Variants in NRG1 observed in about 807,000 individuals in gnomAD.
NRG1 encodes pro-neuregulin-1, membrane-bound isoform.
NRG1 carries 18 observed loss-of-function variants against 63.8 expected under a neutral mutation model. That is an observed-to-expected ratio of 0.28 (90% CI 0.19 to 0.42). The LOEUF is 0.42. Among genes scored for constraint, NRG1 ranks in the 10% least tolerant of loss-of-function variants. The pLI is 1.00. For missense variants in NRG1, 762 were observed against 814.7 expected (o/e 0.94, Z 0.79); for synonymous variants, 302 against 301.3 (o/e 1.00, Z -0.02).
chr8:32,756,551 GA>G, intron 9 of NRG1, 22 bp downstream of exon 9: 1 of 1,593,166 alleles, frequency 6.3e-7, no homozygotes, highest in South Asian at 1.1e-5. Flanking sequence ...CTGGCCAGTG[GA>G]AAAAACTGAG....
chr8:32,065,096 C>T (rs1406549548), intron 1 of NRG1, among the ~76,000 whole-genome samples: 2 of 151,828 alleles, frequency 1.3e-5, no homozygotes, highest in African/African-American at 2.4e-5. Flanking sequence ...CATAATCATT[C>T]CCAGGCTGCT....
At chr8:32,566,012 A>G (rs908910952) in intron 1 of NRG1, among the ~76,000 whole-genome samples, 2 of 152,114 alleles carry the variant, frequency 1.3e-5, no homozygotes, top group Non-Finnish European at 2.9e-5. Context: ...GGCATGTAGA[A>G]ACCTGTCGGT....
intron 1 of NRG1, among the ~76,000 whole-genome samples, chr8:32,509,598 G>A (rs1400316718): frequency 6.6e-6 from 1 of 152,154 alleles, no homozygotes; most frequent in African/African-American, 2.4e-5. Flanking sequence ...AGAGTCAAAG[G>A]TGACACTCAC....
At chr8:32,679,878 G>A (rs35006487) in intron 5 of NRG1, among the ~76,000 whole-genome samples, 2 of 152,034 alleles carry the variant, frequency 1.3e-5, no homozygotes, top group East Asian at 1.9e-4. Flanking sequence ...TTATCCCTGC[G>A]AGCTAATGTG....
At chr8:32,437,708 A>C (rs1818965338) in intron 1 of NRG1, among the ~76,000 whole-genome samples, 1 of 152,202 alleles carries the variant, frequency 6.6e-6, no homozygotes, top group South Asian at 2.1e-4. Flanking sequence ...AAAATTCAGA[A>C]TTTTAATTAC....
intron 1 of NRG1, among the ~76,000 whole-genome samples, chr8:32,252,197 T>G (rs374700257): frequency 6.6e-6 from 1 of 152,338 alleles, no homozygotes; most frequent in Admixed American, 6.5e-5. Context: ...CTCTTTAGTT[T>G]AATTAGATCC....
At chr8:32,628,819 G>A (rs1284013054) in intron 5 of NRG1, among the ~76,000 whole-genome samples, 2 of 148,516 alleles carry the variant, frequency 1.3e-5, no homozygotes, top group East Asian at 2.0e-4. Flanking sequence ...TGCAACCTCT[G>A]CCTACCCGGT....
At chr8:32,224,979 G>T (rs1264013448) in intron 1 of NRG1, among the ~76,000 whole-genome samples, 1 of 152,142 alleles carries the variant, frequency 6.6e-6, no homozygotes, top group Non-Finnish European at 1.5e-5. Flanking sequence ...GATGAAACAG[G>T]TGTTATATTT....
intron 7 of NRG1, among the ~76,000 whole-genome samples, chr8:32,753,138 C>G (rs1829043529): frequency 6.6e-6 from 1 of 152,102 alleles, no homozygotes; most frequent in Admixed American, 6.6e-5. Context: ...ACAGTATTCC[C>G]CAGTTCTTGA....
chr8:32,286,868 G>C (rs1853588028), intron 1 of NRG1, among the ~76,000 whole-genome samples: 1 of 152,076 alleles, frequency 6.6e-6, no homozygotes, highest in Admixed American at 6.6e-5. Context: ...ATGGTGGCGG[G>C]CACCTGTAAT....
exon 10 of NRG1, chr8:32,759,426 C>T: frequency 2.5e-6 from 4 of 1,613,212 alleles, no homozygotes; most frequent in South Asian, 1.1e-5. Flanking sequence ...CACCCAGACT[C>T]CTAGCCACAG....
At chr8:31,967,337 C>A (rs2129627772) in intron 1 of NRG1, among the ~76,000 whole-genome samples, 1 of 152,040 alleles carries the variant, frequency 6.6e-6, no homozygotes, top group Middle Eastern at 3.4e-3. Context: ...TTTATTCTTT[C>A]TTGGAGGCAT....
chr8:32,392,238 C>G (rs1563400964), intron 1 of NRG1, among the ~76,000 whole-genome samples: 1 of 152,176 alleles, frequency 6.6e-6, no homozygotes, highest in East Asian at 1.9e-4. Flanking sequence ...GTAAACCTGT[C>G]TTCTGACAGC....
chr8:32,032,129 T>G lies in NRG1; in HGVS notation c.37+392698T>G, dbSNP rs183740419. Among the ~76,000 whole-genome samples the G allele has an allele frequency of 7.9e-5, 12 of 152,364 alleles. No homozygotes were observed. In the East Asian group the frequency reaches 2.3e-3, roughly 29 times the overall value. ...CCAGCACCTGTCATTTCTTGACTTT[T>G]TAATAATCTCCATTCTAATTGGCAT... On this transcript the variant is annotated intron_variant, in intron 1 of 10. Coordinates refer to the NRG1 transcript ENST00000519301.
At chr8:31,909,345 C>T (rs1563553344) in intron 1 of NRG1, among the ~76,000 whole-genome samples, 1 of 152,136 alleles carries the variant, frequency 6.6e-6, no homozygotes, top group African/African-American at 2.4e-5. Flanking sequence ...AGACACTGAG[C>T]ATCAGGGACA....
At chr8:32,064,919 G>A (rs945602870) in intron 1 of NRG1, among the ~76,000 whole-genome samples, 1 of 152,138 alleles carries the variant, frequency 6.6e-6, no homozygotes, top group African/African-American at 2.4e-5. Context: ...AACTCAAAAT[G>A]CTATAGAAAA....
chr8:31,991,286 A>ACTT (rs747670093), intron 1 of NRG1, among the ~76,000 whole-genome samples: 12 of 151,326 alleles, frequency 7.9e-5, no homozygotes, highest in Non-Finnish European at 1.0e-4. Context: ...GACGACAACA[A>ACTT]CTTCTTCTTC....
intron 1 of NRG1, among the ~76,000 whole-genome samples, chr8:31,752,653 G>A (rs1312792821): frequency 6.6e-6 from 1 of 152,006 alleles, no homozygotes; most frequent in Non-Finnish European, 1.5e-5. Flanking sequence ...GATGTGAGGA[G>A]GAGATGAATC....
chr8:31,917,963 A>G (rs1284834855), intron 1 of NRG1, among the ~76,000 whole-genome samples: 1 of 152,132 alleles, frequency 6.6e-6, no homozygotes. Flanking sequence ...ATTTTCTCTG[A>G]AGCAGTTGTG....
Sources: gnomAD v4.1 joint callset for allele counts (sites outside exome capture counted in the v4.1 genomes callset) on GRCh38, gnomAD v4.1.1 for gene constraint, MANE v1.5 for transcripts, NCBI Gene and HGNC (gene_info 2026-07-23, HGNC 2026-07-21) for gene names.